Variants in DCAF4 observed in about 807,000 individuals in gnomAD.
DCAF4 encodes the protein DDB1 and CUL4 associated factor 4, also known as DDB1- and CUL4-associated factor 4.
DCAF4 carries 37 observed loss-of-function variants against 60.9 expected under a neutral mutation model. The observed-to-expected ratio is 0.61, with a 90% CI of 0.47 to 0.80. DCAF4 has a LOEUF of 0.80. Among genes scored for constraint, DCAF4 ranks in the 30% least tolerant of loss-of-function variants. The pLI, the probability that DCAF4 is intolerant of heterozygous loss-of-function variation, is 0.00. For synonymous variants in DCAF4, 243 were observed against 254.8 expected (o/e 0.95, Z 0.44); for missense variants, 577 against 650.0 (o/e 0.89, Z 1.22).
At chr14:72,947,814 C>G (rs1361526180) in intron 8 of DCAF4, among the ~76,000 whole-genome samples, 2 of 152,176 alleles carry the variant, frequency 1.3e-5, no homozygotes, top group Non-Finnish European at 2.9e-5. Flanking sequence ...ACTCATCACA[C>G]TAGTCTCTGC....
intron 11 of DCAF4, 141 bp downstream of exon 11, chr14:72,954,624 T>C: frequency 1.2e-6 from 1 of 816,560 alleles, no homozygotes; most frequent in Non-Finnish European, 1.9e-6. Context: ...GTGGGTTCCT[T>C]TGTAAGGGTG....
At chr14:72,945,713 C>G (rs1890646794) in intron 6 of DCAF4, among the ~76,000 whole-genome samples, 171 bp from the exon 7 acceptor site, 1 of 152,186 alleles carries the variant, frequency 6.6e-6, no homozygotes, top group Admixed American at 6.5e-5. Flanking sequence ...CCAGACATGG[C>G]TGCACTAAGT....
chr14:72,940,892 T>G (rs902425952), intron 4 of DCAF4, among the ~76,000 whole-genome samples: 1 of 151,316 alleles, frequency 6.6e-6, no homozygotes, highest in African/African-American at 2.4e-5. Flanking sequence ...CACCCAGCCT[T>G]CTTCAGCAGT....
chr14:72,928,187 CTTTTTT>C (rs565229070), intron 1 of DCAF4, among the ~76,000 whole-genome samples: 6 of 67,276 alleles, frequency 8.9e-5, no homozygotes, highest in South Asian at 6.4e-4. Flanking sequence ...AATCCCCCCA[CTTTTTT>C]TTTTTTTTTT....
At position 72,930,621 on chromosome 14, in the gene DCAF4, T is replaced by TTA. The variant is rs1249257795; in HGVS notation, c.-9+4080_-9+4081dup. ...GTTTTCAATTTTGATGAAGCCCAAT[T>TTA]TATGTGTGTATGTGTGTGTGTATAT... On this transcript the variant is annotated intron_variant, in intron 1 of 13. Transcript: ENST00000358377. Among the ~76,000 whole-genome samples the TTA allele has an allele frequency of 2.0e-5, 3 of 147,254 alleles. No individual in the cohort carries two copies. In the East Asian group the frequency reaches 6.0e-4, roughly 30 times the overall value.
chr14:72,943,105 GA>G lies in DCAF4; in HGVS notation c.534+10del, dbSNP rs759555907. 1 of 1,612,498 alleles carries G rather than the reference GA, an allele frequency of 6.2e-7. No individual in the cohort carries two copies. Among genetic ancestry groups the G allele is most frequent in the Non-Finnish European group, 8.5e-7 (1 of 1,178,498 alleles). On this transcript the variant is annotated intron_variant, in intron 6 of 13. Coordinates refer to ENST00000358377, the MANE Select transcript of DCAF4 (RefSeq NM_015604.4). ...GATTTAACCTCATACTGGTGAGTGG[GA>G]GGGGGACACCTGCCTAGGGTGTGGC...
chr14:72,951,933 G>A, intron 9 of DCAF4, 56 bp downstream of exon 9: 3 of 1,594,692 alleles, frequency 1.9e-6, no homozygotes, highest in South Asian at 2.2e-5. Flanking sequence ...AGAGCTGTGT[G>A]GGGGTGGCTT....
At chr14:72,948,141 T>G (rs1165447878) in intron 8 of DCAF4, among the ~76,000 whole-genome samples, 2 of 152,224 alleles carry the variant, frequency 1.3e-5, no homozygotes, top group African/African-American at 2.4e-5. Context: ...ATCTTTTTTG[T>G]AAATTTTATT....
intron 6 of DCAF4, among the ~76,000 whole-genome samples, chr14:72,944,367 C>T (rs2140252815): frequency 6.6e-6 from 1 of 152,336 alleles, no homozygotes; most frequent in East Asian, 1.9e-4. Flanking sequence ...GGTACAGTTT[C>T]ACCAAAACCA....
downstream of DCAF4, chr14:72,960,761 G>A: frequency 1.2e-6 from 1 of 850,476 alleles, no homozygotes; most frequent in Non-Finnish European, 1.5e-6. Context: ...AAGCCTGGTT[G>A]AGGGGAAGAG....
chr14:72,938,129 T>C (rs536292745), intron 2 of DCAF4, 59 bp downstream of exon 2: 492 of 1,535,894 alleles, frequency 3.2e-4, no homozygotes, highest in Non-Finnish European at 4.1e-4. Context: ...ATTGTACACA[T>C]GGCATGTCAC....
rs140758661 is a variant in DCAF4, at chr14:72,930,595, A to C, written c.-9+4052A>C. 3.3e-3 allele frequency among the ~76,000 whole-genome samples: 496 copies of C among 152,192 alleles called. 4 individuals are homozygous for C. Among genetic ancestry groups the C allele is most frequent in the African/African-American group, 0.011 (460 of 41,514 alleles). On this transcript the variant is annotated intron_variant, in intron 1 of 13. Coordinates refer to ENST00000358377, the MANE Select transcript of DCAF4 (RefSeq NM_015604.4). Reference sequence around the variant, plus strand: ...TAAATAATGTCTTTCGATGCACGGAAGTTTTCAATTTTGATGAAGCCCAAT... The same window carrying C: ...TAAATAATGTCTTTCGATGCACGGACGTTTTCAATTTTGATGAAGCCCAAT...
rs1398555378 is a variant in DCAF4 at position 72,942,009 on chromosome 14, C to G, written c.431+185C>G. ...AAACCCACCCTGAGAAAGCTGTTCT[C>G]TCTAGAGCGAAGGCGGGGGACTCTT... is the stretch of plus-strand genomic sequence containing the variant. On this transcript the variant is annotated intron_variant, in intron 5 of 13. Transcript: ENST00000358377. The G allele has an allele frequency of 6.1e-5, 35 of 574,118 alleles. No homozygotes were observed. In the East Asian group the frequency reaches 8.9e-4, roughly 15 times the overall value. The allele number at this position is 574,118 out of a possible 1,614,324, so 35.6% of individuals were successfully genotyped here. A position where few individuals can be genotyped will look rare whatever the true frequency, so the allele number is the denominator to read the frequency against.
Position 72,954,427 on chromosome 14 carries a change from C to T in DCAF4, c.949C>T (p.His317Tyr), listed in dbSNP as rs1567327261. ...RVLLTNVVTG[H>Y]RQSFGTNSDV... ...CCTGTTGACCAACGTGGTGACGGGA[C>T]ACCGGCAGTCCTTTGGGACCAACAG... The change falls in exon 11 of 14, where the codon CAC becomes TAC. Residue 317 changes from histidine (H) to tyrosine (Y), a missense_variant. Coordinates refer to ENST00000358377, the MANE Select transcript of DCAF4 (RefSeq NM_015604.4). 6.2e-7 allele frequency: 1 copy of T among 1,614,242 alleles called. No homozygotes were observed. The highest frequency in any genetic ancestry group is 1.7e-5 in the Admixed American group (1 of 60,030).
At chr14:72,943,642 C>T (rs919373316) in intron 6 of DCAF4, among the ~76,000 whole-genome samples, 1 of 152,136 alleles carries the variant, frequency 6.6e-6, no homozygotes, top group Non-Finnish European at 1.5e-5. Flanking sequence ...AAGCCAAGGT[C>T]AGCCGCTTAA....
chr14:72,962,087 T>G (rs1892840220), downstream of DCAF4: 4 of 942,510 alleles, frequency 4.2e-6, no homozygotes, highest in Admixed American at 1.6e-4. Context: ...TTAAAAAAAT[T>G]TGTGTCTCCA....
At chr14:72,955,909 A>G (rs1178413728) in intron 12 of DCAF4, among the ~76,000 whole-genome samples, 1 of 109,518 alleles carries the variant, frequency 9.1e-6, no homozygotes, top group Non-Finnish European at 1.8e-5. Flanking sequence ...TTCTCTGGTT[A>G]TGTCCTTTTT....
chr14:72,952,531 C>T (rs1365619456), intron 9 of DCAF4, among the ~76,000 whole-genome samples: 1 of 152,140 alleles, frequency 6.6e-6, no homozygotes, highest in Admixed American at 6.5e-5. Context: ...CACCATTTTA[C>T]AGATAAGGAA....
At chr14:72,936,051 G>A (rs1889220439) in intron 1 of DCAF4, among the ~76,000 whole-genome samples, 1 of 152,106 alleles carries the variant, frequency 6.6e-6, no homozygotes, top group Non-Finnish European at 1.5e-5. Flanking sequence ...CCTCCCAAAA[G>A]TGCTGGGATT....
Sources: gnomAD v4.1 joint callset for allele counts (sites outside exome capture counted in the v4.1 genomes callset) on GRCh38, gnomAD v4.1.1 for gene constraint, MANE v1.5 for transcripts, NCBI Gene and HGNC (gene_info 2026-07-23, HGNC 2026-07-21) for gene names.